DYSF: variants seen among roughly 807,000 people sequenced by gnomAD.
The protein encoded by DYSF is dysferlin, also known as dystrophy-associated fer-1-like 1.
In DYSF, 212 loss-of-function variants were observed where a neutral mutation model predicts 274.9. The observed-to-expected ratio is 0.77, with a 90% CI of 0.69 to 0.86. The LOEUF is 0.86. DYSF is among the 40% of genes least tolerant of loss of function. The pLI is 0.00. For missense variants in DYSF, 2,666 were observed against 2,783.2 expected (o/e 0.96, Z 0.95); for synonymous variants, 1,091 against 1,078.7 (o/e 1.01, Z -0.22).
chr2:71,560,382 G>C (rs796625525), intron 22 of DYSF, among the ~76,000 whole-genome samples: 2 of 77,550 alleles, frequency 2.6e-5, no homozygotes, highest in African/African-American at 9.9e-5. Context: ...GCTTGCCCCC[G>C]CTCTCAGGCC....
intron 22 of DYSF, among the ~76,000 whole-genome samples, chr2:71,559,023 T>C (rs6737150): frequency 0.74 from 112,329 of 152,058 alleles, 42,696 homozygotes; most frequent in African/African-American, 0.84. Flanking sequence ...CTTTCTCCAG[T>C]CAGCCTGGCC....
chr2:71,520,561 C>T (rs939129615), intron 11 of DYSF, among the ~76,000 whole-genome samples: 5 of 152,172 alleles, frequency 3.3e-5, no homozygotes, highest in Non-Finnish European at 7.3e-5. Context: ...GAGGAAAATG[C>T]CTTGGGTTTG....
rs369510520 is a variant in DYSF at position 71,541,870 on chromosome 2, A to G, written c.1576+2631A>G. On this transcript the variant is annotated intron_variant, in intron 17 of 55. Coordinates refer to ENST00000410020, the MANE Select transcript of DYSF (RefSeq NM_001130987.2). Reference sequence around the variant, plus strand: ...TTTTTCCTGACTAGATGCTGCTCATAGGAATTTATCTTTTTTCTTATAGTT... The same window carrying G: ...TTTTTCCTGACTAGATGCTGCTCATGGGAATTTATCTTTTTTCTTATAGTT... 5.3e-5 allele frequency among the ~76,000 whole-genome samples: 8 copies of G among 152,244 alleles called. No homozygotes were observed. The South Asian group carries it at 1.4e-3, about 28-fold the overall frequency.
At chr2:71,513,982 G>A in intron 7 of DYSF, 61 bp downstream of exon 7, 3 of 1,595,056 alleles carry the variant, frequency 1.9e-6, no homozygotes, top group Non-Finnish European at 2.6e-6. Context: ...CGGGTGCCAG[G>A]CACCTGCCTG....
Position 71,612,909 on chromosome 2 carries a change from A to T in DYSF, c.4387+103A>T, listed in dbSNP as rs1244034309. 6 of 1,388,636 alleles carry T rather than the reference A, an allele frequency of 4.3e-6. 1 individual carries two copies. Among genetic ancestry groups the T allele is most frequent in the Middle Eastern group, 2.4e-4 (1 of 4,160 alleles). The allele number at this position is 1,388,636 out of a possible 1,614,324, so 86.0% of individuals were successfully genotyped here. A position where few individuals can be genotyped will look rare whatever the true frequency, so the allele number is the denominator to read the frequency against. ...ATCCTGAAACCCTTCTCTTACGGAG[A>T]CCTGAATGAGAAGTGGTTTCTGCTC... On this transcript the variant is annotated intron_variant, in intron 39 of 55. Transcript: ENST00000410020.
chr2:71,653,603 T>C (rs1217755270), intron 42 of DYSF, among the ~76,000 whole-genome samples: 1 of 135,828 alleles, frequency 7.4e-6, no homozygotes, highest in Non-Finnish European at 1.5e-5. Flanking sequence ...AGGTGGGAAT[T>C]GAACAATGAG....
intron 4 of DYSF, among the ~76,000 whole-genome samples, chr2:71,510,097 A>T (rs1160493253): frequency 6.6e-6 from 1 of 152,264 alleles, no homozygotes; most frequent in Non-Finnish European, 1.5e-5. Flanking sequence ...TTTAAGAATC[A>T]GTCATTCATT....
chr2:71,565,726 G>C (rs561390315), intron 24 of DYSF, among the ~76,000 whole-genome samples: 15 of 152,232 alleles, frequency 9.9e-5, no homozygotes, highest in African/African-American at 4.8e-5. Flanking sequence ...GCCTTGGGCA[G>C]GTTGCTTAAC....
At chr2:71,466,993 T>G in intron 1 of DYSF, 60 bp downstream of exon 1, 1 of 1,531,280 alleles carries the variant, frequency 6.5e-7, no homozygotes, top group Non-Finnish European at 8.8e-7. Context: ...CGGCGCTCAC[T>G]GGCGGGTCTG....
At chr2:71,571,381 A>G (rs1259289483) in intron 29 of DYSF, among the ~76,000 whole-genome samples, 7 of 144,326 alleles carry the variant, frequency 4.9e-5, no homozygotes, top group Admixed American at 2.8e-4. Flanking sequence ...TGCACAGATC[A>G]CAGTCAGCAC....
chr2:71,664,649 A>T (rs1410002595), intron 46 of DYSF, among the ~76,000 whole-genome samples: 1 of 152,236 alleles, frequency 6.6e-6, no homozygotes, highest in Non-Finnish European at 1.5e-5. Flanking sequence ...AAGTGGTGGA[A>T]TTAGGATTTG....
intron 18 of DYSF, 49 bp downstream of exon 18, chr2:71,551,205 C>G (rs374089229): frequency 1.6e-4 from 257 of 1,582,840 alleles, no homozygotes; most frequent in Non-Finnish European, 1.9e-4. Context: ...ATGCCCAGGT[C>G]CCTCAGGAGC....
At chr2:71,598,477 C>G in intron 32 of DYSF, 87 bp from the exon 33 acceptor site, 1 of 1,504,858 alleles carries the variant, frequency 6.6e-7, no homozygotes, top group Non-Finnish European at 9.1e-7. Context: ...CCTGCTCCAG[C>G]TTTGTGGCCC....
intron 41 of DYSF, among the ~76,000 whole-genome samples, chr2:71,624,562 T>G (rs2094172023): frequency 6.6e-6 from 1 of 152,230 alleles, no homozygotes; most frequent in African/African-American, 2.4e-5. Context: ...AGCCACTGTT[T>G]ATGAACTTAA....
intron 41 of DYSF, among the ~76,000 whole-genome samples, chr2:71,628,834 C>G (rs1426710024): frequency 6.6e-6 from 1 of 152,050 alleles, no homozygotes; most frequent in Non-Finnish European, 1.5e-5. Context: ...TACCTGTAGT[C>G]CCAGCTACTC....
At chr2:71,521,874 T>C (rs2087311744) in intron 12 of DYSF, among the ~76,000 whole-genome samples, 1 of 152,106 alleles carries the variant, frequency 6.6e-6, no homozygotes, top group South Asian at 2.1e-4. Context: ...TTCCCAGACT[T>C]TCTTCCCTTT....
intron 30 of DYSF, among the ~76,000 whole-genome samples, chr2:71,581,068 C>T (rs148590933): frequency 4.6e-5 from 7 of 152,288 alleles, no homozygotes; most frequent in African/African-American, 1.4e-4. Flanking sequence ...GAAAAGCAGG[C>T]GTAAGTAGGA....
chr2:71,568,392 G>A (rs1246991697), intron 26 of DYSF, 54 bp downstream of exon 26: 1 of 1,601,230 alleles, frequency 6.2e-7, no homozygotes, highest in South Asian at 1.1e-5. Flanking sequence ...GCCCACCATG[G>A]ACTGCACCCT....
At chr2:71,568,362 G>T (rs1319901258) in intron 26 of DYSF, 24 bp downstream of exon 26, 1 of 1,612,664 alleles carries the variant, frequency 6.2e-7, no homozygotes, top group South Asian at 1.1e-5. Flanking sequence ...AGGGAGGGCT[G>T]GGGAGAGCCA....
Sources: allele counts gnomAD v4.1 joint callset (sites outside exome capture counted in the v4.1 genomes callset), GRCh38; gene constraint gnomAD v4.1.1; transcripts MANE v1.5; gene names NCBI Gene and HGNC (gene_info 2026-07-23, HGNC 2026-07-21).